Variants in ARMC9 observed in about 807,000 individuals in gnomAD.
ARMC9 encodes armadillo repeat containing 9.
ARMC9 carries 94 observed loss-of-function variants against 107.0 expected under a neutral mutation model. That is an observed-to-expected ratio of 0.88 (90% CI 0.74 to 1.04). The LOEUF is 1.04. ARMC9 is among the 50% of genes least tolerant of loss of function. ARMC9 has a pLI of 0.00. For missense variants in ARMC9, 942 were observed against 1,030.1 expected (o/e 0.91, Z 1.17); for synonymous variants, 380 against 396.9 (o/e 0.96, Z 0.51).
intron 18 of ARMC9, among the ~76,000 whole-genome samples, chr2:231,291,879 G>T (rs981667675): frequency 6.6e-6 from 1 of 151,336 alleles, no homozygotes; most frequent in Non-Finnish European, 1.5e-5. Context: ...CAAAAGTTCA[G>T]CCAGGTAGGC....
At position 231,222,739 on chromosome 2, in the gene ARMC9, TC is replaced by T; in HGVS notation, c.518del (p.Pro173GlnfsTer3). The T allele has an allele frequency of 6.4e-7, 1 of 1,558,634 alleles. No homozygotes were observed. The highest frequency in any genetic ancestry group is 8.8e-7 in the Non-Finnish European group (1 of 1,133,682). On this transcript the variant is annotated frameshift_variant, in exon 6 of 25. Coordinates refer to ENST00000611582, the MANE Select transcript of ARMC9 (RefSeq NM_001352754.2). LOFTEE classifies it high-confidence loss of function. ...FKELFQDSWT[P>X]ELKLKLIKFL... ...CCTTTTTTCTTTAGGATTCCTGGAC[TC>T]CAGAGTTAAAGTTGAAGTTGATAAA...
At chr2:231,205,838 C>T (rs902707781) in intron 1 of ARMC9, among the ~76,000 whole-genome samples, 1 of 152,204 alleles carries the variant, frequency 6.6e-6, no homozygotes, top group African/African-American at 2.4e-5. Context: ...TCCTTACCCT[C>T]CTTGTCTTAT....
At chr2:231,200,347 G>A (rs1329019318) in intron 1 of ARMC9, among the ~76,000 whole-genome samples, 2 of 152,150 alleles carry the variant, frequency 1.3e-5, no homozygotes, top group East Asian at 3.9e-4. Flanking sequence ...TAGGTTCTGG[G>A]GATATGAAGT....
At chr2:231,332,519 C>T (rs900402560) in intron 20 of ARMC9, among the ~76,000 whole-genome samples, 2 of 152,168 alleles carry the variant, frequency 1.3e-5, no homozygotes, top group African/African-American at 4.8e-5. Context: ...TGTGGAGTCA[C>T]CATCTGGGAT....
chr2:231,218,045 C>T (rs2033717477), intron 5 of ARMC9, among the ~76,000 whole-genome samples: 1 of 152,162 alleles, frequency 6.6e-6, no homozygotes, highest in East Asian at 1.9e-4. Context: ...CACTCTCACT[C>T]AACAGCAACT....
chr2:231,365,132 G>C (rs548209993), intron 23 of ARMC9, among the ~76,000 whole-genome samples: 1 of 152,320 alleles, frequency 6.6e-6, no homozygotes, highest in African/African-American at 2.4e-5. Context: ...CCTGAGATGA[G>C]GCCAGATTAG....
chr2:231,206,403 A>G lies in ARMC9; in HGVS notation c.51+114A>G, dbSNP rs560694748. 1.9e-5 allele frequency: 17 copies of G among 887,562 alleles called. No individual in the cohort carries two copies. In the East Asian group the frequency reaches 4.7e-4, roughly 25 times the overall value. 55.0% of individuals were successfully genotyped at this position (887,562 alleles called of 1,614,324 possible). On this transcript the variant is annotated intron_variant, in intron 2 of 24. Transcript: ENST00000611582. Reference sequence around the variant, plus strand: ...AATGTTTCTTCTATTGTTATGTTGGAGCTATTTTTCTATTATATAATATTC... The same window carrying G: ...AATGTTTCTTCTATTGTTATGTTGGGGCTATTTTTCTATTATATAATATTC...
intron 14 of ARMC9, among the ~76,000 whole-genome samples, chr2:231,275,427 G>A (rs894029476): frequency 6.6e-6 from 1 of 152,194 alleles, no homozygotes; most frequent in Non-Finnish European, 1.5e-5. Flanking sequence ...CTAACCTGAT[G>A]ACATTCACCA....
At chr2:231,206,583 A>G (rs1157387568) in intron 2 of ARMC9, among the ~76,000 whole-genome samples, 2 of 152,178 alleles carry the variant, frequency 1.3e-5, no homozygotes, top group African/African-American at 4.8e-5. Flanking sequence ...ACTTTTTTCT[A>G]TGTATAGTAA....
At chr2:231,339,935 A>G (rs1021797336) in intron 20 of ARMC9, among the ~76,000 whole-genome samples, 1 of 152,242 alleles carries the variant, frequency 6.6e-6, no homozygotes, top group Non-Finnish European at 1.5e-5. Context: ...CTCTGTCTCA[A>G]CCACAACAAC....
chr2:231,220,215 T>C (rs1430284453), intron 5 of ARMC9, among the ~76,000 whole-genome samples: 4 of 152,216 alleles, frequency 2.6e-5, no homozygotes, highest in Admixed American at 1.3e-4. Flanking sequence ...TCTTTTTTTT[T>C]CAGAAGTTTA....
intron 4 of ARMC9, 110 bp from the exon 5 acceptor site, chr2:231,216,528 G>T: frequency 8.1e-7 from 1 of 1,240,196 alleles, no homozygotes; most frequent in Non-Finnish European, 1.1e-6. Context: ...TTAGATAGGG[G>T]ATGCCAGCGA....
rs377041559 is a variant in ARMC9 at position 231,323,630 on chromosome 2, A to G, written c.1774-8163A>G. On this transcript the variant is annotated intron_variant, in intron 19 of 24. Coordinates refer to ENST00000611582, the MANE Select transcript of ARMC9 (RefSeq NM_001352754.2). ...CAGAAACCATGGCAGTGACTTGTTT[A>G]TATCTACACAGTATCATGGCGTTCC... 2.6e-5 allele frequency among the ~76,000 whole-genome samples: 4 copies of G among 152,278 alleles called. No individual in the cohort carries two copies. The East Asian group carries it at 7.7e-4, about 29-fold the overall frequency.
At chr2:231,318,844 G>A (rs1427454210) in intron 19 of ARMC9, among the ~76,000 whole-genome samples, 1 of 152,216 alleles carries the variant, frequency 6.6e-6, no homozygotes, top group African/African-American at 2.4e-5. Flanking sequence ...GCCAGAAGTC[G>A]TTAGATCCTA....
At chr2:231,217,895 GT>G (rs1035519367) in intron 5 of ARMC9, among the ~76,000 whole-genome samples, 9 of 152,118 alleles carry the variant, frequency 5.9e-5, no homozygotes, top group Admixed American at 4.6e-4. Flanking sequence ...GTTTCACCAT[GT>G]TGGCCAGGCT....
chr2:231,325,462 G>A lies in ARMC9; in HGVS notation c.1774-6331G>A, dbSNP rs75648775. Among the ~76,000 whole-genome samples the A allele has an allele frequency of 7.0e-4, 107 of 152,100 alleles. 2 individuals carry two copies. The East Asian group carries it at 0.019, about 27-fold the overall frequency. ...CATTTATTTTGTTTCTTAATGTTTC[G>A]TATTCCCTCCTGGCAGGGAAGTAGT... On this transcript the variant is annotated intron_variant, in intron 19 of 24. Coordinates refer to ENST00000611582, the MANE Select transcript of ARMC9 (RefSeq NM_001352754.2).
At position 231,375,057 on chromosome 2, in the gene ARMC9, C is replaced by G. The variant is rs571176832; in HGVS notation, c.*3522C>G. 6.6e-6 allele frequency among the ~76,000 whole-genome samples: 1 copy of G among 152,328 alleles called. No individual in the cohort carries two copies. The highest frequency in any genetic ancestry group is 6.5e-5 in the Admixed American group (1 of 15,300). The stretch of plus-strand genomic sequence containing the variant: ...GATTAGGTTAGCTTTTGCATATTAA[C>G]AAACTACCTCTGAAACTTAGTGGCT... On this transcript the variant is annotated 3_prime_UTR_variant, in exon 25 of 25. Coordinates refer to ENST00000611582, the MANE Select transcript of ARMC9 (RefSeq NM_001352754.2). The surrounding 1 kb of genome is among the most constrained non-coding windows in gnomAD (Gnocchi z 4.3).
chr2:231,212,730 C>G (rs934192129), intron 3 of ARMC9, among the ~76,000 whole-genome samples: 5 of 152,176 alleles, frequency 3.3e-5, no homozygotes, highest in African/African-American at 1.2e-4. Flanking sequence ...GTCAGCTTCC[C>G]CAAATTCTTC....
intron 20 of ARMC9, among the ~76,000 whole-genome samples, chr2:231,337,463 A>ATTTT (rs1378579607): frequency 1.9e-5 from 2 of 102,724 alleles, no homozygotes; most frequent in Non-Finnish European, 2.0e-5. Flanking sequence ...CGCCCGGCTA[A>ATTTT]TTTTTGTTTT....
Sources: allele counts gnomAD v4.1 joint callset (sites outside exome capture counted in the v4.1 genomes callset), GRCh38; gene constraint gnomAD v4.1.1; non-coding constraint Gnocchi (gnomAD v3.1); transcripts MANE v1.5; gene names NCBI Gene and HGNC (gene_info 2026-07-23, HGNC 2026-07-21).